MALRD1: variants seen among roughly 807,000 people sequenced by gnomAD.
MALRD1 encodes the protein MAM and LDL-receptor class A domain-containing protein 1.
Under a neutral mutation model 242.1 loss-of-function variants are expected in MALRD1, and 247 were observed. The ratio of observed to expected loss-of-function variants is 1.02; its 90% CI spans 0.92 to 1.13. The LOEUF (loss-of-function observed/expected upper bound fraction) is 1.13. Among genes scored for constraint, MALRD1 ranks in the 50% most tolerant of loss-of-function variants. The probability of loss-of-function intolerance (pLI) is 0.00; values close to 1 mark genes in which losing one functional copy is unlikely to be tolerated. For synonymous variants in MALRD1, 995 were observed against 866.6 expected, an observed-to-expected ratio of 1.15 and a Z score of -2.60; for missense variants, 2,989 against 2,533.1, an observed-to-expected ratio of 1.18 and a Z score of -3.86.
intron 36 of MALRD1, among the ~76,000 whole-genome samples, chr10:19,646,257 C>A (rs540477484): frequency 5.3e-5 from 8 of 152,276 alleles, no homozygotes; most frequent in African/African-American, 1.9e-4. Context: ...GTCTGATCTA[C>A]TACATCATTT....
chr10:19,319,775 C>T (rs767274520), intron 21 of MALRD1, among the ~76,000 whole-genome samples: 24 of 151,886 alleles, frequency 1.6e-4, no homozygotes, highest in Non-Finnish European at 2.8e-4. Flanking sequence ...TTAATCGACT[C>T]CCCAAAGGCC....
At chr10:19,108,220 T>C (rs539796936) in intron 5 of MALRD1, among the ~76,000 whole-genome samples, 1 of 152,164 alleles carries the variant, frequency 6.6e-6, no homozygotes, top group African/African-American at 2.4e-5. Flanking sequence ...CTAAGCTATT[T>C]CAAAGACTTG....
intron 33 of MALRD1, among the ~76,000 whole-genome samples, chr10:19,570,726 A>T (rs1836488837): frequency 1.3e-5 from 2 of 152,096 alleles, no homozygotes; most frequent in Non-Finnish European, 2.9e-5. Context: ...TTTTAATAAG[A>T]TATCCATCAC....
rs551507524 is a variant in MALRD1, at chr10:19,193,918, C to T, written c.1952-9810C>T. On this transcript the variant is annotated intron_variant, in intron 14 of 39. Coordinates refer to ENST00000454679, the MANE Select transcript of MALRD1 (RefSeq NM_001142308.3). Reference sequence around the variant, plus strand: ...AACATTTAACATGACAGAAAAAAATCACATTATTTTAAAAATACATCACTG... The same window carrying T: ...AACATTTAACATGACAGAAAAAAATTACATTATTTTAAAAATACATCACTG... Among the ~76,000 whole-genome samples the T allele has an allele frequency of 2.6e-4, 40 of 151,662 alleles. No homozygotes were observed. The South Asian group carries it at 8.3e-3, about 32-fold the overall frequency.
intron 4 of MALRD1, among the ~76,000 whole-genome samples, chr10:19,100,069 CTTTTT>C (rs931236433): frequency 6.6e-6 from 1 of 151,776 alleles, no homozygotes; most frequent in African/African-American, 2.4e-5. Context: ...AAATTTTTTT[CTTTTT>C]TTTAATCATC....
At chr10:19,461,897 A>C (rs1361979486) in intron 29 of MALRD1, among the ~76,000 whole-genome samples, 1 of 152,180 alleles carries the variant, frequency 6.6e-6, no homozygotes, top group Non-Finnish European at 1.5e-5. Context: ...TTTACCGTAC[A>C]TAAAGAAAAC....
At chr10:19,522,045 A>T (rs1016590469) in intron 31 of MALRD1, among the ~76,000 whole-genome samples, 3 of 152,136 alleles carry the variant, frequency 2.0e-5, no homozygotes, top group African/African-American at 7.2e-5. Context: ...TTACAACGCA[A>T]CTATTCTTCT....
intron 30 of MALRD1, among the ~76,000 whole-genome samples, chr10:19,495,319 T>G (rs190129630): frequency 6.6e-6 from 1 of 151,712 alleles, no homozygotes; most frequent in African/African-American, 2.4e-5. Flanking sequence ...AGAAAAAAGG[T>G]TAAAGATAGC....
At chr10:19,654,558 A>G (rs1349747586) in intron 36 of MALRD1, among the ~76,000 whole-genome samples, 1 of 152,142 alleles carries the variant, frequency 6.6e-6, no homozygotes, top group Non-Finnish European at 1.5e-5. Flanking sequence ...GAGAAAGGAA[A>G]CCTTTGCTGG....
At chr10:19,082,434 C>G (rs1300840033) in intron 2 of MALRD1, among the ~76,000 whole-genome samples, 1 of 151,536 alleles carries the variant, frequency 6.6e-6, no homozygotes, top group African/African-American at 2.4e-5. Flanking sequence ...TATATAATAT[C>G]TACCTGTTTA....
rs75604231 is a variant in MALRD1, at chr10:19,461,092, G to A, written c.5029+10602G>A. ...TTACAGAAGCATGCATTGAATAAGTGACAATCAAGACAATGGAAGGAAATG... is the reference window on the plus strand; with the variant it reads ...TTACAGAAGCATGCATTGAATAAGTAACAATCAAGACAATGGAAGGAAATG... On this transcript the variant is annotated intron_variant, in intron 29 of 39. Coordinates refer to ENST00000454679, the MANE Select transcript of MALRD1 (RefSeq NM_001142308.3). 1.2e-3 allele frequency among the ~76,000 whole-genome samples: 183 copies of A among 152,228 alleles called. 3 individuals are homozygous for A. In the East Asian group the frequency reaches 0.032, roughly 27 times the overall value.
chr10:19,671,621 G>A lies in MALRD1; in HGVS notation c.6138-20661G>A, dbSNP rs1026810253. 2.0e-5 allele frequency among the ~76,000 whole-genome samples: 3 copies of A among 151,834 alleles called. No homozygotes were observed. In the East Asian group the frequency reaches 5.8e-4, roughly 29 times the overall value. On this transcript the variant is annotated intron_variant, in intron 36 of 39. Transcript: ENST00000454679. Reference sequence around the variant, plus strand: ...AGTCTCGGTGACACAGCGAGACTCCGTCTCAAAAAAATAAATAATAAATAA... The same window carrying A: ...AGTCTCGGTGACACAGCGAGACTCCATCTCAAAAAAATAAATAATAAATAA...
intron 21 of MALRD1, among the ~76,000 whole-genome samples, chr10:19,307,744 T>A (rs1203849540): frequency 6.6e-6 from 1 of 151,482 alleles, no homozygotes; most frequent in Admixed American, 6.6e-5. Flanking sequence ...ATGAAAAAAA[T>A]TGAATTAGAA....
intron 30 of MALRD1, among the ~76,000 whole-genome samples, chr10:19,495,447 T>TA (rs937207916): frequency 0.011 from 1,353 of 124,702 alleles, 9 homozygotes; most frequent in African/African-American, 0.019. Flanking sequence ...TTCAACATTC[T>TA]AAAAAAAAAA....
At chr10:19,438,456 G>A (rs931128685) in intron 28 of MALRD1, among the ~76,000 whole-genome samples, 1 of 152,108 alleles carries the variant, frequency 6.6e-6, no homozygotes, top group Non-Finnish European at 1.5e-5. Flanking sequence ...TGCAAATAAT[G>A]TTGTTATTAA....
upstream of MALRD1, among the ~76,000 whole-genome samples, chr10:19,047,363 T>C (rs879913612): frequency 5.6e-5 from 5 of 89,316 alleles, no homozygotes; most frequent in Non-Finnish European, 1.3e-4. Flanking sequence ...TAGGTGTGTG[T>C]GTGTGTGTGT....
In MALRD1 at chr10:19,570,114, A is replaced by G. The variant is rs1836452693; in HGVS notation, c.5680+2411A>G. ...CGATTTAAAAACAAAACAAAACACT[A>G]AGACCTTTGGTATTAAACCTTGAAC... On this transcript the variant is annotated intron_variant, in intron 33 of 39. Transcript: ENST00000454679. 2.6e-5 allele frequency among the ~76,000 whole-genome samples: 4 copies of G among 152,018 alleles called. No homozygotes were observed. The South Asian group carries it at 8.3e-4, about 31-fold the overall frequency.
intron 36 of MALRD1, among the ~76,000 whole-genome samples, chr10:19,657,700 A>G (rs544117130): frequency 5.9e-5 from 9 of 152,190 alleles, no homozygotes; most frequent in East Asian, 1.9e-4. Context: ...TAAACAACCA[A>G]TTATACTCTG....
intron 10 of MALRD1, among the ~76,000 whole-genome samples, chr10:19,145,133 T>A (rs12243775): frequency 0.34 from 51,692 of 152,070 alleles, 9,205 homozygotes; most frequent in Non-Finnish European, 0.39. Flanking sequence ...AAGCACATAA[T>A]AATGAATTTC....
Sources: gnomAD v4.1 joint callset for allele counts (sites outside exome capture counted in the v4.1 genomes callset) on GRCh38, gnomAD v4.1.1 for gene constraint, MANE v1.5 for transcripts, NCBI Gene and HGNC (gene_info 2026-07-23, HGNC 2026-07-21) for gene names.